CACNA1E: variants seen among roughly 807,000 people sequenced by gnomAD.
CACNA1E encodes voltage-dependent R-type calcium channel subunit alpha-1E.
CACNA1E carries 40 observed loss-of-function variants against 259.2 expected under a neutral mutation model. The observed-to-expected ratio is 0.15, with a 90% CI of 0.12 to 0.20. The LOEUF (loss-of-function observed/expected upper bound fraction) is 0.20, where lower values mean the gene tolerates loss of function less well. CACNA1E is among the 10% of genes least tolerant of loss of function. The pLI, the probability that CACNA1E is intolerant of heterozygous loss-of-function variation, is 1.00. For missense variants in CACNA1E, 1,874 were observed against 3,040.1 expected, an observed-to-expected ratio of 0.62 and a Z score of 9.02; for synonymous variants, 1,104 against 1,138.5, an observed-to-expected ratio of 0.97 and a Z score of 0.61.
rs771502205 is a variant in CACNA1E at position 181,785,768 on chromosome 1, T to C, written c.5735T>C (p.Ile1912Thr). The C allele has an allele frequency of 3.1e-6, 5 of 1,613,168 alleles. No individual in the cohort carries two copies. The highest frequency in any genetic ancestry group is 4.2e-6 in the Non-Finnish European group (5 of 1,179,674). The part of the protein sequence containing the change: ...MEPSSLPQEI[I>T]ANAKALPYLQ... ...CCTTCATCTCTGCCTCAGGAGATCA[T>C]TGCTAATGCCAAAGCCCTGCCTTAC... is the stretch of plus-strand genomic sequence containing the variant. The change falls in exon 43 of 48, where the codon ATT becomes ACT. Residue 1912 changes from isoleucine (I) to threonine (T), a missense_variant. Transcript: ENST00000367573.
intron 3 of CACNA1E, among the ~76,000 whole-genome samples, chr1:181,539,644 C>A (rs1572144724): frequency 6.6e-6 from 1 of 152,272 alleles, no homozygotes; most frequent in East Asian, 1.9e-4. Context: ...AGGTCTGAGT[C>A]CCACTGAAGC....
intron 6 of CACNA1E, among the ~76,000 whole-genome samples, chr1:181,615,598 A>G (rs1655135511): frequency 6.6e-6 from 1 of 152,234 alleles, no homozygotes; most frequent in African/African-American, 2.4e-5. Context: ...TAATTTAGCC[A>G]TATTCAGCTA....
chr1:181,700,735 C>G (rs1652163973), intron 7 of CACNA1E, among the ~76,000 whole-genome samples: 1 of 152,152 alleles, frequency 6.6e-6, no homozygotes, highest in African/African-American at 2.4e-5. Context: ...CTGTGTGAAT[C>G]AAAACTCCTA....
chr1:181,798,979 G>A lies in CACNA1E; in HGVS notation c.*145G>A, dbSNP rs1662069013. 5 of 722,980 alleles carry A rather than the reference G, an allele frequency of 6.9e-6. No individual in the cohort carries two copies. The highest frequency in any genetic ancestry group is 1.8e-5 in the African/African-American group (1 of 56,350). 44.8% of individuals were successfully genotyped at this position (722,980 alleles called of 1,614,324 possible). On this transcript the variant is annotated 3_prime_UTR_variant, in exon 48 of 48. Coordinates refer to ENST00000367573, the MANE Select transcript of CACNA1E (RefSeq NM_001205293.3). This position sits in a 1 kb window ranked among gnomAD's most constrained non-coding sequence, Gnocchi z 4.2. ...GCATTATCAGAGAAGAGGAAGTAAA[G>A]GACAATCAGAACACCAGTCAAACCC...
chr1:181,646,093 G>A (rs779911602), intron 6 of CACNA1E, among the ~76,000 whole-genome samples: 1 of 152,182 alleles, frequency 6.6e-6, no homozygotes, highest in Non-Finnish European at 1.5e-5. Flanking sequence ...AGAGGCTTTG[G>A]ACAGATGCTT....
intron 3 of CACNA1E, among the ~76,000 whole-genome samples, chr1:181,533,688 C>T (rs1019800346): frequency 1.1e-4 from 16 of 152,116 alleles, no homozygotes; most frequent in African/African-American, 3.9e-4. Context: ...AACATTTTCA[C>T]AATGTTGAAT....
At position 181,493,313 on chromosome 1, in the gene CACNA1E, A is replaced by C. The variant is rs114207152; in HGVS notation, c.266+9303A>C. 8.2e-3 allele frequency among the ~76,000 whole-genome samples: 1,244 copies of C among 152,314 alleles called. 17 individuals are homozygous for C. The highest frequency in any genetic ancestry group is 0.029 in the African/African-American group (1,189 of 41,562). On this transcript the variant is annotated intron_variant, in intron 1 of 47. Transcript: ENST00000367573. ...GTACGACAGGAACTTTATATGAAGGAACTAGAGAGATACGGTTGCACTGGG... is the reference window on the plus strand; with the variant it reads ...GTACGACAGGAACTTTATATGAAGGCACTAGAGAGATACGGTTGCACTGGG...
At chr1:181,451,612 G>A (rs1394469745) in intron 2 of CACNA1E, among the ~76,000 whole-genome samples, 1 of 152,166 alleles carries the variant, frequency 6.6e-6, no homozygotes, top group Non-Finnish European at 1.5e-5. Flanking sequence ...AATCTGGGAG[G>A]CAGAGGTTGC....
intron 1 of CACNA1E, among the ~76,000 whole-genome samples, chr1:181,338,178 C>T (rs1353275518): frequency 6.6e-6 from 1 of 152,148 alleles, no homozygotes; most frequent in Non-Finnish European, 1.5e-5. Context: ...CTCTGCCTCC[C>T]AGGTTCAAGC....
At chr1:181,326,804 C>T (rs1650830058) in intron 1 of CACNA1E, among the ~76,000 whole-genome samples, 1 of 152,216 alleles carries the variant, frequency 6.6e-6, no homozygotes, top group Non-Finnish European at 1.5e-5. Context: ...TTGTCCTCCT[C>T]TCACATGGCC....
intron 7 of CACNA1E, among the ~76,000 whole-genome samples, chr1:181,681,666 T>C (rs1327675483): frequency 6.6e-6 from 1 of 152,138 alleles, no homozygotes; most frequent in Admixed American, 6.5e-5. Context: ...CATCAAGTCA[T>C]TGGGGGAATG....
chr1:181,554,979 C>G (rs1164128041), intron 3 of CACNA1E, among the ~76,000 whole-genome samples: 1 of 152,122 alleles, frequency 6.6e-6, no homozygotes, highest in Non-Finnish European at 1.5e-5. Context: ...TCTCCTCTTC[C>G]AAATGGAGAT....
chr1:181,341,446 C>G (rs188159797), intron 1 of CACNA1E, among the ~76,000 whole-genome samples: 2 of 151,360 alleles, frequency 1.3e-5, no homozygotes, highest in African/African-American at 4.8e-5. Context: ...CCTTCCTCCT[C>G]CCTTGTCTAG....
chr1:181,613,166 A>C (rs1037456927), intron 6 of CACNA1E, among the ~76,000 whole-genome samples: 1 of 152,226 alleles, frequency 6.6e-6, no homozygotes, highest in East Asian at 1.9e-4. Context: ...GTGGTGATGT[A>C]ATTTTTCTAA....
intron 43 of CACNA1E, among the ~76,000 whole-genome samples, chr1:181,788,443 T>G (rs540180058): frequency 2.6e-5 from 4 of 152,158 alleles, no homozygotes; most frequent in South Asian, 2.1e-4. Context: ...AGAGGATTAT[T>G]GGAAAGAAGA....
rs979768953 is a variant in CACNA1E at position 181,733,570 on chromosome 1, G to A, written c.3082G>A (p.Gly1028Ser). ...GGTGCTGACGGAGCAGGAGCCAGAA[G>A]GCAGCAGTGAGCAGGCCCTGCTGGG... ...HVVLTEQEPE[G>S]SSEQALLGNV... is the part of the protein sequence containing the mutation. The change falls in exon 21 of 48, where the codon GGC becomes AGC. Residue 1028 changes from glycine to serine, a missense_variant. By Grantham distance (56) the Gly-to-Ser change is moderately conservative. Around this residue, in one of 14 missense-constraint regions of CACNA1E, gnomAD observed 476 missense variants for 514.0 expected, o/e 0.93. Coordinates refer to ENST00000367573, the MANE Select transcript of CACNA1E (RefSeq NM_001205293.3). 1.2e-6 allele frequency: 2 copies of A among 1,613,110 alleles called. No homozygotes were observed. Among genetic ancestry groups the A allele is most frequent in the Non-Finnish European group, 1.7e-6 (2 of 1,179,590 alleles).
In CACNA1E at chr1:181,805,700, A is replaced by G. The variant is rs1662580114; in HGVS notation, c.*6866A>G. The G allele has an allele frequency of 6.6e-6, 1 of 152,238 alleles. No homozygotes were observed. The allele number at this position is 152,238 out of a possible 1,614,324, so 9.4% of individuals were successfully genotyped here. On this transcript the variant is annotated 3_prime_UTR_variant, in exon 48 of 48. Transcript: ENST00000367573. ...ATACAAAGCTACCCTAAGTGCTGCA[A>G]TTGCAGAGGAACTTGCCTCTTCGTG...
At chr1:181,609,343 C>T (rs1017858442) in intron 6 of CACNA1E, among the ~76,000 whole-genome samples, 10 of 152,188 alleles carry the variant, frequency 6.6e-5, no homozygotes, top group African/African-American at 1.2e-4. Flanking sequence ...TCTTTGCTCC[C>T]TTCCTTTCAA....
chr1:181,773,062 A>G (rs1418772734), intron 37 of CACNA1E, among the ~76,000 whole-genome samples: 1 of 152,256 alleles, frequency 6.6e-6, no homozygotes, highest in African/African-American at 2.4e-5. Flanking sequence ...CACTGGCTGT[A>G]CAAAAACCTA....
Sources: allele counts gnomAD v4.1 joint callset (sites outside exome capture counted in the v4.1 genomes callset), GRCh38; gene constraint gnomAD v4.1.1; regional missense constraint gnomAD v4.1.1; non-coding constraint Gnocchi (gnomAD v3.1); transcripts MANE v1.5; gene names NCBI Gene and HGNC (gene_info 2026-07-23, HGNC 2026-07-21).